The following TRHDE variants were observed in gnomAD, a reference collection of about 807,000 sequenced individuals.
TRHDE encodes thyrotropin releasing hormone degrading enzyme.
A neutral mutation model predicts 125.7 loss-of-function variants in TRHDE; 72 were observed. The ratio of observed to expected loss-of-function variants is 0.57; its 90% CI spans 0.47 to 0.70. TRHDE has a LOEUF of 0.70. TRHDE is among the 30% of genes least tolerant of loss of function. TRHDE has a pLI of 0.00. For synonymous variants in TRHDE, 509 were observed against 509.1 expected (o/e 1.00, Z 0.00); for missense variants, 1,110 against 1,327.1 (o/e 0.84, Z 2.54).
intron 2 of TRHDE, among the ~76,000 whole-genome samples, chr12:72,359,770 AT>A (rs1870984848): frequency 1.3e-5 from 2 of 151,730 alleles, no homozygotes; most frequent in African/African-American, 4.8e-5. Context: ...GACTTTGTGT[AT>A]AAGTGTGGAA....
At position 72,623,752 on chromosome 12, in the gene TRHDE, T is replaced by A. The variant is rs1873146914; in HGVS notation, c.2675+2001T>A. 2.6e-5 allele frequency among the ~76,000 whole-genome samples: 4 copies of A among 152,028 alleles called. No homozygotes were observed. The South Asian group carries it at 8.3e-4, about 32-fold the overall frequency. ...GACTGAAGGCAGTGGTAGGTATCTA[T>A]CTATGAATATGTAAGGTGGGTAGAT... is the stretch of plus-strand genomic sequence containing the variant. On this transcript the variant is annotated intron_variant, in intron 15 of 18. Transcript: ENST00000261180.
At chr12:72,622,532 T>A (rs958773599) in intron 15 of TRHDE, among the ~76,000 whole-genome samples, 2 of 151,954 alleles carry the variant, frequency 1.3e-5, no homozygotes, top group African/African-American at 4.8e-5. Context: ...TCTTTCCTCC[T>A]AGGAAGGAAG....
At chr12:72,402,064 T>C (rs1489696258) in intron 3 of TRHDE, among the ~76,000 whole-genome samples, 2 of 152,148 alleles carry the variant, frequency 1.3e-5, no homozygotes, top group Non-Finnish European at 2.9e-5. Context: ...ACTGGCTGGC[T>C]AAAACAACAG....
In TRHDE at chr12:72,361,580, A is replaced by G. The variant is rs574341164; in HGVS notation, c.1189-16415A>G. Among the ~76,000 whole-genome samples the G allele has an allele frequency of 2.6e-5, 4 of 151,016 alleles. No individual in the cohort carries two copies. In the South Asian group the frequency reaches 8.4e-4, roughly 32 times the overall value. On this transcript the variant is annotated intron_variant, in intron 2 of 18. Coordinates refer to ENST00000261180, the MANE Select transcript of TRHDE (RefSeq NM_013381.3). ...TTTTTTTTTATTTTATTATTATTAT[A>G]CTTTAAGTTTTAGGGTACACGTGCA... is the stretch of plus-strand genomic sequence containing the variant.
intron 2 of TRHDE, among the ~76,000 whole-genome samples, chr12:72,240,859 A>G (rs764764710): frequency 7.5e-4 from 114 of 152,288 alleles, no homozygotes; most frequent in Middle Eastern, 3.4e-3. Flanking sequence ...GGCATGAGCC[A>G]CCGCGCCTGG....
intron 2 of TRHDE, among the ~76,000 whole-genome samples, chr12:72,347,334 T>C (rs888302997): frequency 6.6e-6 from 1 of 152,082 alleles, no homozygotes; most frequent in Admixed American, 6.6e-5. Flanking sequence ...AAATCAGCAA[T>C]ATATTTATTC....
chr12:72,422,151 T>C (rs1286999408), intron 3 of TRHDE, among the ~76,000 whole-genome samples: 2 of 152,218 alleles, frequency 1.3e-5, no homozygotes, highest in East Asian at 1.9e-4. Context: ...TCTATAGAAA[T>C]GTAGTGGTTT....
intron 12 of TRHDE, among the ~76,000 whole-genome samples, chr12:72,586,029 C>G (rs942249809): frequency 2.0e-5 from 3 of 152,276 alleles, no homozygotes; most frequent in Middle Eastern, 3.4e-3. Flanking sequence ...AATCATCTTT[C>G]TTACTAAACA....
rs1056856855 is a variant in TRHDE at position 72,668,701 on chromosome 12, T to C, written c.*5506T>C. The C allele has an allele frequency of 2.6e-5, 4 of 151,826 alleles. No individual in the cohort carries two copies. Among genetic ancestry groups the C allele is most frequent in the African/African-American group, 9.7e-5 (4 of 41,410 alleles). The allele number at this position is 151,826 out of a possible 1,614,324, so 9.4% of individuals were successfully genotyped here. ...TATATGTCTATTGGTATCACATCAA[T>C]TAATAACCCTGTGAAATGTCATTAG... On this transcript the variant is annotated 3_prime_UTR_variant, in exon 19 of 19. Coordinates refer to ENST00000261180, the MANE Select transcript of TRHDE (RefSeq NM_013381.3).
chr12:72,408,688 G>A (rs1873367928), intron 3 of TRHDE, among the ~76,000 whole-genome samples: 1 of 152,112 alleles, frequency 6.6e-6, no homozygotes, highest in Admixed American at 6.5e-5. Context: ...TACTCGAAAA[G>A]TACCCTAGAA....
chr12:72,305,830 C>T (rs929352500), intron 2 of TRHDE, among the ~76,000 whole-genome samples: 2 of 152,166 alleles, frequency 1.3e-5, no homozygotes, highest in Non-Finnish European at 2.9e-5. Context: ...GTGCCTAAAA[C>T]GTGGATTCTT....
chr12:72,141,770 G>A (rs1335898837), intron 2 of TRHDE, among the ~76,000 whole-genome samples: 1 of 152,228 alleles, frequency 6.6e-6, no homozygotes, highest in Non-Finnish European at 1.5e-5. Context: ...TGCCAAGGGA[G>A]TATGTAAGAT....
At chr12:72,438,341 A>G (rs1565741544) in intron 3 of TRHDE, among the ~76,000 whole-genome samples, 1 of 151,718 alleles carries the variant, frequency 6.6e-6, no homozygotes, top group Non-Finnish European at 1.5e-5. Flanking sequence ...TAATTTTTTG[A>G]GGAACCTCCA....
chr12:72,239,503 G>C (rs571297969), intron 2 of TRHDE, among the ~76,000 whole-genome samples: 3 of 152,210 alleles, frequency 2.0e-5, no homozygotes, highest in African/African-American at 7.2e-5. Context: ...TTTCTTCTAG[G>C]ATTCTTATGG....
At chr12:72,478,925 A>AG (rs1877026682) in intron 5 of TRHDE, among the ~76,000 whole-genome samples, 1 of 149,566 alleles carries the variant, frequency 6.7e-6, no homozygotes, top group Non-Finnish European at 1.5e-5. Context: ...TTTTTAGCAA[A>AG]AAAAAAAAAA....
intron 5 of TRHDE, among the ~76,000 whole-genome samples, chr12:72,496,783 G>A (rs1877938012): frequency 6.6e-6 from 1 of 152,104 alleles, no homozygotes. Context: ...GTAGACAGTA[G>A]GCAATTAACC....
intron 13 of TRHDE, among the ~76,000 whole-genome samples, chr12:72,619,983 TAAA>T (rs112536661): frequency 1.3e-4 from 19 of 151,598 alleles, no homozygotes; most frequent in African/African-American, 4.1e-4. Flanking sequence ...TGATTTTTTT[TAAA>T]AAATGGGAAT....
intron 6 of TRHDE, among the ~76,000 whole-genome samples, chr12:72,506,758 A>T (rs1228936281): frequency 6.6e-6 from 1 of 152,196 alleles, no homozygotes; most frequent in African/African-American, 2.4e-5. Context: ...TGATCCTGCC[A>T]TCCAGAGACA....
chr12:72,522,958 T>C (rs1168311237), intron 6 of TRHDE, among the ~76,000 whole-genome samples: 1 of 152,090 alleles, frequency 6.6e-6, no homozygotes, highest in African/African-American at 2.4e-5. Context: ...AATTCCACTT[T>C]TGTTTACTTT....
Sources: allele counts gnomAD v4.1 joint callset (sites outside exome capture counted in the v4.1 genomes callset), GRCh38; gene constraint gnomAD v4.1.1; transcripts MANE v1.5; gene names NCBI Gene and HGNC (gene_info 2026-07-23, HGNC 2026-07-21).